The following LCMT1 variants were observed in gnomAD, a reference collection of about 807,000 sequenced individuals.
LCMT1 encodes leucine carboxyl methyltransferase 1.
In LCMT1, 32 loss-of-function variants were observed where a neutral mutation model predicts 47.7. The ratio of observed to expected loss-of-function variants is 0.67; its 90% CI spans 0.51 to 0.90. The LOEUF (loss-of-function observed/expected upper bound fraction) is 0.90. Among genes scored for constraint, LCMT1 ranks in the 40% least tolerant of loss-of-function variants. The pLI is 0.00. For missense variants in LCMT1, 375 were observed against 415.2 expected (o/e 0.90, Z 0.84); for synonymous variants, 152 against 149.7 (o/e 1.02, Z -0.11).
Position 25,112,133 on chromosome 16 carries a change from T to C in LCMT1, c.113+137T>C, listed in dbSNP as rs1267106152. 3 of 710,598 alleles carry C rather than the reference T, an allele frequency of 4.2e-6. No individual in the cohort carries two copies. The African/African-American group carries it at 5.2e-5, about 12-fold the overall frequency. 44.0% of individuals were successfully genotyped at this position (710,598 alleles called of 1,614,324 possible). The stretch of plus-strand genomic sequence containing the variant: ...TCGCACGACCCTCGCTTCCCACCTG[T>C]GAAGTGCACGGAGCAGGGCTTCATT... On this transcript the variant is annotated intron_variant, in intron 1 of 10. Transcript: ENST00000399069.
intron 7 of LCMT1, among the ~76,000 whole-genome samples, chr16:25,164,933 A>G (rs1432328192): frequency 6.6e-6 from 1 of 152,178 alleles, no homozygotes; most frequent in Non-Finnish European, 1.5e-5. Context: ...CTTAGCCTTT[A>G]CAAAAGATTT....
chr16:25,126,559 C>A (rs1162992911), intron 1 of LCMT1, among the ~76,000 whole-genome samples: 1 of 152,206 alleles, frequency 6.6e-6, no homozygotes, highest in Non-Finnish European at 1.5e-5. Context: ...TTATCTGCCT[C>A]TCCTTTCTCT....
At chr16:25,158,739 A>G (rs1295708758) in intron 5 of LCMT1, 1 of 152,242 alleles carries the variant, frequency 6.6e-6, no homozygotes, top group African/African-American at 2.4e-5. Flanking sequence ...CAAAATAATG[A>G]TAAAGCATCC....
At chr16:25,136,559 C>CCCATCAA (rs1960511166) in intron 3 of LCMT1, among the ~76,000 whole-genome samples, 1 of 151,808 alleles carries the variant, frequency 6.6e-6, no homozygotes, top group African/African-American at 2.4e-5. Context: ...GTTTACTGCA[C>CCCATCAA]CCATCAACCC....
intron 1 of LCMT1, among the ~76,000 whole-genome samples, chr16:25,128,140 TG>T (rs1215958014): frequency 6.6e-6 from 1 of 152,242 alleles, no homozygotes; most frequent in Non-Finnish European, 1.5e-5. Flanking sequence ...GCCATGAGTT[TG>T]CAGAGTGAAT....
At chr16:25,168,748 T>C (rs1961660546) in intron 7 of LCMT1, among the ~76,000 whole-genome samples, 1 of 152,244 alleles carries the variant, frequency 6.6e-6, no homozygotes, top group Non-Finnish European at 1.5e-5. Context: ...ATAATTTCAT[T>C]ATACAAACAT....
At chr16:25,170,939 TA>T (rs1213021220) in intron 9 of LCMT1, 134 bp downstream of exon 9, 1 of 635,218 alleles carries the variant, frequency 1.6e-6, no homozygotes, top group Non-Finnish European at 2.6e-6. Context: ...AACAAACAAA[TA>T]AAAAACAAGG....
Position 25,156,054 on chromosome 16 carries a change from A to G in LCMT1, c.466+4439A>G, listed in dbSNP as rs190509051. Among the ~76,000 whole-genome samples, 8 of 152,192 alleles carry G rather than the reference A, an allele frequency of 5.3e-5. No individual in the cohort carries two copies. The East Asian group carries it at 1.4e-3, about 26-fold the overall frequency. On this transcript the variant is annotated intron_variant, in intron 5 of 10. Transcript: ENST00000399069. Reference sequence around the variant, plus strand: ...TTACTGTTCTCTGACTGTGCCAAGAATGTTCTTCCCCTCAGTCCTTTTCAT... The same window carrying G: ...TTACTGTTCTCTGACTGTGCCAAGAGTGTTCTTCCCCTCAGTCCTTTTCAT...
intron 5 of LCMT1, among the ~76,000 whole-genome samples, chr16:25,153,934 C>T (rs1397225078): frequency 1.3e-5 from 2 of 152,112 alleles, no homozygotes; most frequent in Non-Finnish European, 2.9e-5. Context: ...GACTGAGTGA[C>T]AGCATGAGAT....
At chr16:25,171,653 AACG>A (rs1267770387) in intron 9 of LCMT1, among the ~76,000 whole-genome samples, 2 of 152,180 alleles carry the variant, frequency 1.3e-5, no homozygotes, top group African/African-American at 4.8e-5. Flanking sequence ...GAGGGAGGAA[AACG>A]ACGTTGTTCA....
At chr16:25,122,712 C>T (rs79273090) in intron 1 of LCMT1, among the ~76,000 whole-genome samples, 2 of 152,136 alleles carry the variant, frequency 1.3e-5, no homozygotes, top group African/African-American at 2.4e-5. Flanking sequence ...TTATTTCAGG[C>T]GTAGTTATCC....
chr16:25,136,077 C>T (rs1051954536), intron 3 of LCMT1, among the ~76,000 whole-genome samples: 23 of 127,476 alleles, frequency 1.8e-4, no homozygotes, highest in South Asian at 7.4e-4. Flanking sequence ...GGTGTCCAAG[C>T]GAGATGCTGT....
intron 6 of LCMT1, among the ~76,000 whole-genome samples, chr16:25,162,733 G>T (rs1213608571): frequency 6.6e-6 from 1 of 152,196 alleles, no homozygotes; most frequent in Non-Finnish European, 1.5e-5. Flanking sequence ...TGTTGCTGAT[G>T]ATTTTGATGG....
intron 5 of LCMT1, among the ~76,000 whole-genome samples, chr16:25,153,895 G>A (rs1961155208): frequency 6.6e-6 from 1 of 152,134 alleles, no homozygotes. Context: ...GGAGGTTGCA[G>A]TGAGCCGAGA....
At chr16:25,167,432 C>T (rs1390553614) in intron 7 of LCMT1, among the ~76,000 whole-genome samples, 2 of 151,888 alleles carry the variant, frequency 1.3e-5, no homozygotes, top group South Asian at 2.1e-4. Context: ...ATCCTCCCAC[C>T]TTAGTCTCCC....
chr16:25,162,518 G>T (rs1961460792), intron 6 of LCMT1, among the ~76,000 whole-genome samples: 1 of 151,470 alleles, frequency 6.6e-6, no homozygotes, highest in African/African-American at 2.4e-5. Flanking sequence ...GAACCCAGGA[G>T]GCAGAGGTTG....
chr16:25,173,032 C>T (rs913413690), intron 9 of LCMT1, among the ~76,000 whole-genome samples: 1 of 152,210 alleles, frequency 6.6e-6, no homozygotes, highest in Non-Finnish European at 1.5e-5. Context: ...ATTGGAAGGC[C>T]TTTGTCTATG....
chr16:25,175,413 C>T (rs1462706352), intron 10 of LCMT1, among the ~76,000 whole-genome samples: 2 of 150,018 alleles, frequency 1.3e-5, no homozygotes, highest in Non-Finnish European at 3.0e-5. Context: ...CACTTGAGGT[C>T]AGGAGTTTGA....
chr16:25,130,215 C>G (rs1247517731), intron 2 of LCMT1, among the ~76,000 whole-genome samples: 1 of 151,750 alleles, frequency 6.6e-6, no homozygotes, highest in East Asian at 1.9e-4. Context: ...TGGCGGGTGC[C>G]TGTAGTCCCA....
Sources: allele counts gnomAD v4.1 joint callset (sites outside exome capture counted in the v4.1 genomes callset), GRCh38; gene constraint gnomAD v4.1.1; transcripts MANE v1.5; gene names NCBI Gene and HGNC (gene_info 2026-07-23, HGNC 2026-07-21).